The following PIK3R6 variants were observed in gnomAD, a reference collection of about 807,000 sequenced individuals.
PIK3R6 encodes the protein phosphoinositide-3-kinase regulatory subunit 6, also known as phosphoinositide 3-kinase regulatory subunit 6.
Under a neutral mutation model 84.9 loss-of-function variants are expected in PIK3R6, and 91 were observed. The ratio of observed to expected loss-of-function variants is 1.07; its 90% CI spans 0.90 to 1.28. The LOEUF is 1.28. Ranked by LOEUF, PIK3R6 falls within the 50% of genes most tolerant of loss-of-function variation. The pLI, the probability that PIK3R6 is intolerant of heterozygous loss-of-function variation, is 0.00. For synonymous variants in PIK3R6, 416 were observed against 411.4 expected (o/e 1.01, Z -0.13); for missense variants, 996 against 985.1 (o/e 1.01, Z -0.15).
At chr17:8,851,142 C>A (rs2088947283) in intron 1 of PIK3R6, among the ~76,000 whole-genome samples, 1 of 151,334 alleles carries the variant, frequency 6.6e-6, no homozygotes, top group African/African-American at 2.4e-5. Flanking sequence ...AAATGGATCA[C>A]GCACTTCACA....
intron 2 of PIK3R6, 111 bp downstream of exon 2, chr17:8,849,671 C>G (rs1443905485): frequency 1.6e-6 from 2 of 1,252,628 alleles, no homozygotes; most frequent in South Asian, 2.1e-5. Context: ...GTCTTGCAGC[C>G]TGTCTATGTG....
chr17:8,807,556 C>A (rs1896277155), intron 18 of PIK3R6, among the ~76,000 whole-genome samples: 1 of 152,032 alleles, frequency 6.6e-6, no homozygotes. Context: ...GGAGATGACA[C>A]CTGAGTCTCA....
intron 18 of PIK3R6, among the ~76,000 whole-genome samples, chr17:8,811,194 C>T (rs2087348394): frequency 6.8e-6 from 1 of 146,914 alleles, no homozygotes; most frequent in South Asian, 2.3e-4. Flanking sequence ...AAAGCCATGG[C>T]CCGAGCTCTA....
At chr17:8,812,433 C>G (rs2087386908) in intron 18 of PIK3R6, among the ~76,000 whole-genome samples, 1 of 152,240 alleles carries the variant, frequency 6.6e-6, no homozygotes, top group Non-Finnish European at 1.5e-5. Flanking sequence ...ACAATCTACT[C>G]TACAACTGCA....
chr17:8,832,784 A>ACC, intron 9 of PIK3R6, 105 bp downstream of exon 9: 14 of 1,547,048 alleles, frequency 9.0e-6, no homozygotes, highest in Non-Finnish European at 1.1e-5. Context: ...TCGGCCAGGC[A>ACC]CCCAGACAGA....
At chr17:8,840,775 C>A (rs1001202014) in intron 2 of PIK3R6, among the ~76,000 whole-genome samples, 1 of 141,090 alleles carries the variant, frequency 7.1e-6, no homozygotes, top group Non-Finnish European at 1.6e-5. Context: ...GTGTGTGAGA[C>A]GGAGTCTAAC....
intron 18 of PIK3R6, among the ~76,000 whole-genome samples, chr17:8,813,778 A>G (rs2151186545): frequency 6.6e-6 from 1 of 152,350 alleles, no homozygotes; most frequent in South Asian, 2.1e-4. Context: ...AAAGCCATAT[A>G]TGACAAACCC....
intron 12 of PIK3R6, among the ~76,000 whole-genome samples, chr17:8,827,900 A>AGAGAGACC (rs1329471886): frequency 2.0e-5 from 3 of 152,112 alleles, no homozygotes; most frequent in African/African-American, 7.2e-5. Flanking sequence ...TGCCATCAAG[A>AGAGAGACC]GAGAGACCCA....
intron 18 of PIK3R6, among the ~76,000 whole-genome samples, chr17:8,815,820 T>C (rs923903407): frequency 1.3e-5 from 2 of 152,220 alleles, no homozygotes; most frequent in African/African-American, 4.8e-5. Flanking sequence ...CCCGTCTGCT[T>C]TGGCTTGTGC....
intron 4 of PIK3R6, 67 bp from the exon 5 acceptor site, chr17:8,837,938 G>A (rs1017618624): frequency 5.3e-5 from 75 of 1,424,662 alleles, no homozygotes; most frequent in Admixed American, 1.0e-4. Flanking sequence ...GCGGGAGGCA[G>A]TCTAGGCTGG....
intron 7 of PIK3R6, 104 bp from the exon 8 acceptor site, chr17:8,835,560 A>G (rs2088428695): frequency 2.0e-6 from 2 of 990,540 alleles, no homozygotes; most frequent in African/African-American, 3.3e-5. Flanking sequence ...CAAGTAATTT[A>G]ATTCTGCTAA....
chr17:8,817,588 G>A (rs1474289826), intron 18 of PIK3R6, among the ~76,000 whole-genome samples: 1 of 152,144 alleles, frequency 6.6e-6, no homozygotes, highest in African/African-American at 2.4e-5. Flanking sequence ...GTTGCAGTGA[G>A]CCGAGATTGC....
intron 13 of PIK3R6, among the ~76,000 whole-genome samples, chr17:8,825,477 C>G (rs1251966437): frequency 2.0e-5 from 3 of 152,122 alleles, no homozygotes; most frequent in Non-Finnish European, 4.4e-5. Context: ...TAGGTATGTA[C>G]TAAATACTTA....
rs1170804501 is a variant in PIK3R6 at position 8,803,434 on chromosome 17, G to C, written c.2109-5C>G. 2 of 1,595,406 alleles carry C rather than the reference G, an allele frequency of 1.3e-6. No homozygotes were observed. Among genetic ancestry groups the C allele is most frequent in the Non-Finnish European group, 1.7e-6 (2 of 1,171,766 alleles). The stretch of plus-strand genomic sequence containing the variant: ...GGGCAGGGAGCAACCTCGAATCTGT[G>C]GGTGGAGAGAGACCAGCTCAGGTGA... On this transcript the variant is annotated splice_polypyrimidine_tract_variant and splice_region_variant and intron_variant, in intron 19 of 19. Transcript: ENST00000619866. The surrounding 1 kb of genome is among the most constrained non-coding windows in gnomAD (Gnocchi z 5.0).
intron 9 of PIK3R6, 31 bp downstream of exon 9, chr17:8,832,858 T>C (rs1456651800): frequency 6.2e-7 from 1 of 1,611,800 alleles, no homozygotes; most frequent in Admixed American, 1.7e-5. Flanking sequence ...GCGGGACTCT[T>C]GCCAAGGCCC....
chr17:8,831,328 T>TTAAA (rs2088231964), intron 9 of PIK3R6, among the ~76,000 whole-genome samples: 1 of 33,076 alleles, frequency 3.0e-5, no homozygotes, highest in African/African-American at 1.4e-4. Flanking sequence ...AGACCCTGTC[T>TTAAA]AAAAAAAAAA....
chr17:8,838,574 T>C lies in PIK3R6; in HGVS notation c.179A>G (p.Glu60Gly). 1 of 1,600,708 alleles carries C rather than the reference T, an allele frequency of 6.2e-7. No homozygotes were observed. ...GGTCCAGGAACTCACCTTCTCCAGT[T>C]CTCTGAGAAGAATGCGGACCAGCAC... ...SPVLVRILLRELEKAESQDLR... is the reference protein window; with the variant it reads ...SPVLVRILLRGLEKAESQDLR... The change falls in exon 4 of 20, where the codon GAA becomes GGA. Residue 60 changes from glutamate (E) to glycine (G), a missense_variant. Physicochemically the swap from Glu to Gly is moderately conservative, Grantham distance 98 (BLOSUM62 -2). Transcript: ENST00000619866.
At chr17:8,854,026 A>T (rs2089056985) in intron 1 of PIK3R6, among the ~76,000 whole-genome samples, 1 of 152,188 alleles carries the variant, frequency 6.6e-6, no homozygotes, top group Admixed American at 6.5e-5. Flanking sequence ...TTCCAATAAA[A>T]ATACCAGCAG....
chr17:8,824,123 G>A (rs1370490830), intron 13 of PIK3R6, among the ~76,000 whole-genome samples: 1 of 152,148 alleles, frequency 6.6e-6, no homozygotes, highest in Non-Finnish European at 1.5e-5. Flanking sequence ...TACAAAATTA[G>A]CCAGATGTGG....
Sources: gnomAD v4.1 joint callset for allele counts (sites outside exome capture counted in the v4.1 genomes callset) on GRCh38, gnomAD v4.1.1 for gene constraint, Gnocchi (gnomAD v3.1) non-coding constraint, MANE v1.5 for transcripts, NCBI Gene and HGNC (gene_info 2026-07-23, HGNC 2026-07-21) for gene names.